The following RYR2 variants were observed in gnomAD, a reference collection of about 807,000 sequenced individuals.
RYR2 encodes the protein ryanodine receptor 2.
In RYR2, 227 loss-of-function variants were observed where a neutral mutation model predicts 601.1. The observed-to-expected ratio is 0.38, with a 90% CI of 0.34 to 0.42. The LOEUF (loss-of-function observed/expected upper bound fraction) is 0.42, where lower values mean the gene tolerates loss of function less well. Ranked by LOEUF, RYR2 falls within the 10% of genes least tolerant of loss-of-function variation. The pLI is 1.00. For missense variants in RYR2, 4,646 were observed against 6,156.5 expected (o/e 0.75, Z 8.21); for synonymous variants, 2,223 against 2,175.1 (o/e 1.02, Z -0.61).
intron 4 of RYR2, among the ~76,000 whole-genome samples, chr1:237,362,965 G>A (rs1327239511): frequency 6.6e-6 from 1 of 151,940 alleles, no homozygotes; most frequent in African/African-American, 2.4e-5. Flanking sequence ...CGGTCACTTG[G>A]CTGACCACTC....
At chr1:237,557,613 A>G (rs1559023564) in intron 27 of RYR2, among the ~76,000 whole-genome samples, 1 of 151,870 alleles carries the variant, frequency 6.6e-6, no homozygotes, top group Non-Finnish European at 1.5e-5. Flanking sequence ...TTTAGGAAAA[A>G]GGCTGAATGT....
chr1:237,549,023 T>C (rs1403179486), intron 26 of RYR2, among the ~76,000 whole-genome samples: 1 of 152,208 alleles, frequency 6.6e-6, no homozygotes, highest in African/African-American at 2.4e-5. Flanking sequence ...ATATTACATG[T>C]ATATACATAA....
At chr1:237,242,205 TGTTTG>T (rs1686265458) in intron 1 of RYR2, among the ~76,000 whole-genome samples, 1 of 9,114 alleles carries the variant, frequency 1.1e-4, no homozygotes, top group Admixed American at 4.9e-3. Flanking sequence ...TTTTTTTGTT[TGTTTG>T]TTTGTTTGTT....
At chr1:237,207,441 C>A (rs527506748) in intron 1 of RYR2, among the ~76,000 whole-genome samples, 321 of 152,300 alleles carry the variant, frequency 2.1e-3, no homozygotes, top group Non-Finnish European at 3.4e-3. Flanking sequence ...TGGTGGGCAC[C>A]TGTAATCCCA....
chr1:237,708,336 G>GA (rs1323596159), intron 68 of RYR2, among the ~76,000 whole-genome samples: 5 of 152,032 alleles, frequency 3.3e-5, no homozygotes, highest in Non-Finnish European at 5.9e-5. Context: ...CTTTCAGGGG[G>GA]AAAAAAGTCA....
rs112509226 is a variant in RYR2, at chr1:237,353,423, C to T, written c.274-2542C>T. On this transcript the variant is annotated intron_variant, in intron 3 of 104. Transcript: ENST00000366574. ...ATCCAGGAAACTGAGACAGGAGAAT[C>T]GCTTGAACCCAGGAGGCGGAGGTTA... Among the ~76,000 whole-genome samples, 445 of 150,278 alleles carry T rather than the reference C, an allele frequency of 3.0e-3. 4 individuals are homozygous for T. Among genetic ancestry groups the T allele is most frequent in the African/African-American group, 0.011 (433 of 40,852 alleles).
intron 1 of RYR2, among the ~76,000 whole-genome samples, chr1:237,199,880 C>T (rs1483909578): frequency 6.6e-6 from 1 of 152,136 alleles, no homozygotes. Context: ...GATATGTTAT[C>T]TACACTGATA....
intron 1 of RYR2, among the ~76,000 whole-genome samples, chr1:237,269,628 T>C (rs550483541): frequency 2.0e-5 from 3 of 152,252 alleles, no homozygotes; most frequent in Non-Finnish European, 4.4e-5. Flanking sequence ...TTTTCCATTT[T>C]CTTACTGTGC....
At chr1:237,067,018 G>A (rs1343247131) in intron 1 of RYR2, among the ~76,000 whole-genome samples, 13 of 152,170 alleles carry the variant, frequency 8.5e-5, no homozygotes, top group South Asian at 2.1e-4. Context: ...GCTGAATTTC[G>A]AAAATTCTTT....
At chr1:237,222,842 G>C (rs1415608806) in intron 1 of RYR2, among the ~76,000 whole-genome samples, 2 of 152,116 alleles carry the variant, frequency 1.3e-5, no homozygotes, top group Admixed American at 1.3e-4. Flanking sequence ...GATGTGGGAG[G>C]ATTACCTGAG....
intron 38 of RYR2, 148 bp downstream of exon 38, chr1:237,617,634 C>A: frequency 1.3e-6 from 1 of 775,296 alleles, no homozygotes; most frequent in Non-Finnish European, 2.0e-6. Context: ...TTCTTAGTTT[C>A]ACCAAAAGAA....
chr1:237,632,352 T>C (rs1210718111), intron 42 of RYR2, among the ~76,000 whole-genome samples: 2 of 151,852 alleles, frequency 1.3e-5, no homozygotes, highest in African/African-American at 4.8e-5. Context: ...ATGATAATAC[T>C]CTTGGATGTA....
intron 27 of RYR2, among the ~76,000 whole-genome samples, chr1:237,561,582 G>A (rs1671461789): frequency 6.6e-6 from 1 of 152,102 alleles, no homozygotes; most frequent in Admixed American, 6.5e-5. Flanking sequence ...AGTTGAGGAA[G>A]GGTAGATGGT....
chr1:237,763,674 G>C lies in RYR2; in HGVS notation c.11476+2646G>C, dbSNP rs545813884. Among the ~76,000 whole-genome samples, 61 of 152,240 alleles carry C rather than the reference G, an allele frequency of 4.0e-4. 1 individual carries two copies. The South Asian group carries it at 0.012, about 31-fold the overall frequency. ...AGATAGTACTTAGGACGCCAACAAGGCTTCCAAGATTAAATTGTGCTTTCT... is the reference window on the plus strand; with the variant it reads ...AGATAGTACTTAGGACGCCAACAAGCCTTCCAAGATTAAATTGTGCTTTCT... On this transcript the variant is annotated intron_variant, in intron 84 of 104. Coordinates refer to ENST00000366574, the MANE Select transcript of RYR2 (RefSeq NM_001035.3).
At chr1:237,190,218 T>C (rs1411675908) in intron 1 of RYR2, among the ~76,000 whole-genome samples, 1 of 152,116 alleles carries the variant, frequency 6.6e-6, no homozygotes, top group Non-Finnish European at 1.5e-5. Flanking sequence ...CTGCACCATT[T>C]TACATTTCCA....
chr1:237,526,330 TC>T (rs914257626), intron 24 of RYR2, among the ~76,000 whole-genome samples: 6 of 152,052 alleles, frequency 3.9e-5, no homozygotes, highest in Admixed American at 3.9e-4. Flanking sequence ...TCTATTTATG[TC>T]CTTTTTTCTT....
At chr1:237,470,123 CT>C (rs1423021820) in intron 17 of RYR2, among the ~76,000 whole-genome samples, 1 of 152,134 alleles carries the variant, frequency 6.6e-6, no homozygotes, top group Non-Finnish European at 1.5e-5. Flanking sequence ...CTTATTTTTC[CT>C]CTCAGTTTCC....
rs1558425873 is a variant in RYR2 at position 237,792,388 on chromosome 1, T to TGC, written c.13782+66_13782+67insCG. ...GTGTGTGTGTGTGTGTGTGCGTGTG[T>TGC]GTGTGTGTGCGTGTGTGTGTGTGTG... On this transcript the variant is annotated intron_variant, in intron 94 of 104. Transcript: ENST00000366574. 1,257 of 819,628 alleles carry TGC rather than the reference T, an allele frequency of 1.5e-3. 16 individuals are homozygous for TGC. The African/African-American group carries it at 0.027, about 17-fold the overall frequency. The allele number at this position is 819,628 out of a possible 1,614,324, so 50.8% of individuals were successfully genotyped here.
At chr1:237,538,702 CG>C (rs1285716520) in intron 25 of RYR2, among the ~76,000 whole-genome samples, 1 of 151,608 alleles carries the variant, frequency 6.6e-6, no homozygotes. Flanking sequence ...ACCTGAGAGG[CG>C]GAGGTTGCTG....
Sources: allele counts gnomAD v4.1 joint callset (sites outside exome capture counted in the v4.1 genomes callset), GRCh38; gene constraint gnomAD v4.1.1; transcripts MANE v1.5; gene names NCBI Gene and HGNC (gene_info 2026-07-23, HGNC 2026-07-21).